Variants in DMD observed in about 807,000 individuals in gnomAD.
The protein encoded by DMD is mutant dystrophin.
In DMD, 63 loss-of-function variants were observed where a neutral mutation model predicts 330.1. The ratio of observed to expected loss-of-function variants is 0.19; its 90% CI spans 0.16 to 0.24. The LOEUF is 0.24. Among genes scored for constraint, DMD ranks in the 10% least tolerant of loss-of-function variants. The pLI, the probability that DMD is intolerant of heterozygous loss-of-function variation, is 1.00. For synonymous variants in DMD, 1,223 were observed against 959.8 expected (o/e 1.27, Z -5.07); for missense variants, 3,344 against 2,684.1 (o/e 1.25, Z -5.43).
chrX:32,330,111 C>T (rs1391154566), intron 41 of DMD, among the ~76,000 whole-genome samples: 1 of 112,035 alleles, frequency 8.9e-6, no homozygotes, highest in East Asian at 2.8e-4. Context: ...GGGTGCTAAA[C>T]TATACTCAAA....
At position 31,612,438 on chromosome X, in the gene DMD, A is replaced by G. The variant is rs746854400; in HGVS notation, c.8217+15235T>C. Among the ~76,000 whole-genome samples, 135 of 112,063 alleles carry G rather than the reference A, an allele frequency of 1.2e-3. 1 individual carries two copies. Among genetic ancestry groups the G allele is most frequent in the African/African-American group, 4.3e-3 (133 of 30,913 alleles). On this transcript the variant is annotated intron_variant, in intron 55 of 78. Transcript: ENST00000357033. ...CATTCAGAAAGGGCATTCCTGGGTGAATGAAATAGACAGAGCCTGGAGGCC... is the reference window on the plus strand; with the variant it reads ...CATTCAGAAAGGGCATTCCTGGGTGGATGAAATAGACAGAGCCTGGAGGCC...
At chrX:32,279,669 G>A (rs1049267114) in intron 43 of DMD, among the ~76,000 whole-genome samples, 1 of 76,564 alleles carries the variant, frequency 1.3e-5, no homozygotes, top group Non-Finnish European at 2.8e-5. Flanking sequence ...GCTGTGAAGG[G>A]TAGTGGGGGG....
chrX:31,872,895 G>A (rs776861894), intron 48 of DMD, among the ~76,000 whole-genome samples: 1 of 111,043 alleles, frequency 9.0e-6, no homozygotes. Context: ...AAACACCTCT[G>A]AGTACAATAT....
intron 2 of DMD, among the ~76,000 whole-genome samples, chrX:33,010,350 G>A (rs7884271): frequency 9.6e-6 from 1 of 104,705 alleles, no homozygotes; most frequent in Admixed American, 1.0e-4. Flanking sequence ...ATATATATGT[G>A]TGTATGTATA....
Position 31,836,751 on chromosome X carries a change from C to A in DMD, c.7167G>T (p.Leu2389Phe). 1 of 1,211,710 alleles carries A rather than the reference C, an allele frequency of 8.3e-7. No homozygotes were observed. Among genetic ancestry groups the A allele is most frequent in the South Asian group, 1.8e-5 (1 of 57,023 alleles). The part of the protein sequence containing the change: ...VEEILSKGQH[L>F]YKEKPATQPV... ...GCTGAGTGGCTGGTTTTTCCTTGTA[C>A]AAATGCTGCCCTTTAGACAAAATCT... Residue 2389 changes from leucine (L) to phenylalanine (F), a missense_variant, in exon 49 of 79, where the codon TTG becomes TTT. Leu to Phe is a conservative substitution (Grantham distance 22). Transcript: ENST00000357033.
chrX:32,552,000 T>C (rs1267236375), intron 16 of DMD, among the ~76,000 whole-genome samples: 2 of 111,752 alleles, frequency 1.8e-5, no homozygotes, highest in African/African-American at 3.2e-5. Context: ...AATGGAAAAA[T>C]ATTCTATGCT....
At chrX:31,721,636 T>TAA in intron 52 of DMD, among the ~76,000 whole-genome samples, 1 of 100,292 alleles carries the variant, frequency 1.0e-5, no homozygotes, top group South Asian at 4.8e-4. Flanking sequence ...TGTATATATA[T>TAA]AATATTATTA....
chrX:32,332,272 A>AT (rs750675557), intron 41 of DMD, among the ~76,000 whole-genome samples: 8 of 109,642 alleles, frequency 7.3e-5, no homozygotes, highest in East Asian at 2.9e-4. Context: ...AAAAAAGACA[A>AT]TTTTTTTTTG....
chrX:33,073,031 G>A (rs756125327), intron 1 of DMD, among the ~76,000 whole-genome samples: 7 of 111,945 alleles, frequency 6.3e-5, no homozygotes, highest in African/African-American at 1.9e-4. Context: ...TCTTTTTAAT[G>A]TTATTTATCA....
rs1001240332 is a variant in DMD, at chrX:33,189,287, C to T, written c.31+21995G>A. 3.6e-5 allele frequency among the ~76,000 whole-genome samples: 4 copies of T among 111,312 alleles called. No individual in the cohort carries two copies. In the East Asian group the frequency reaches 1.1e-3, roughly 32 times the overall value. On this transcript the variant is annotated intron_variant, in intron 1 of 78. Transcript: ENST00000357033. The stretch of plus-strand genomic sequence containing the variant: ...AACTTTATATATTAAGCCTTATGCT[C>T]ATCTCTAGGTATGGGGGAGAGGTGG...
At chrX:31,334,718 C>T (rs987123211) in intron 61 of DMD, among the ~76,000 whole-genome samples, 1 of 112,056 alleles carries the variant, frequency 8.9e-6, no homozygotes, top group Non-Finnish European at 1.9e-5. Context: ...TCTATGACTT[C>T]CCTTCTCACA....
chrX:32,330,792 C>T (rs1183367324), intron 41 of DMD, among the ~76,000 whole-genome samples: 1 of 111,389 alleles, frequency 9.0e-6, no homozygotes, highest in Non-Finnish European at 1.9e-5. Flanking sequence ...AATACCAATT[C>T]AGTGTATTCA....
intron 44 of DMD, among the ~76,000 whole-genome samples, chrX:32,088,249 C>T (rs771057690): frequency 9.0e-6 from 1 of 111,562 alleles, no homozygotes; most frequent in Non-Finnish European, 1.9e-5. Context: ...TAAGCAATTT[C>T]TTAACCTTCA....
chrX:31,222,583 A>G (rs1374194712), intron 64 of DMD, among the ~76,000 whole-genome samples: 1 of 110,870 alleles, frequency 9.0e-6, no homozygotes, highest in Admixed American at 9.6e-5. Context: ...GAGGAAAGCA[A>G]TTCTGTCATT....
intron 63 of DMD, among the ~76,000 whole-genome samples, chrX:31,252,643 G>A (rs909324586): frequency 5.3e-5 from 6 of 112,391 alleles, no homozygotes; most frequent in Admixed American, 2.8e-4. Flanking sequence ...CTATAGCTGT[G>A]TGAGGATTAA....
chrX:31,137,765 A>G (rs1224517684), intron 76 of DMD, among the ~76,000 whole-genome samples: 1 of 110,844 alleles, frequency 9.0e-6, no homozygotes, highest in Non-Finnish European at 1.9e-5. Context: ...GTGGTGATGA[A>G]CACTCTGAGG....
chrX:33,008,811 T>C (rs1376685945), intron 2 of DMD, among the ~76,000 whole-genome samples: 1 of 97,883 alleles, frequency 1.0e-5, no homozygotes, highest in East Asian at 3.2e-4. Flanking sequence ...TACGTATATA[T>C]ACACATAAAT....
chrX:32,439,552 A>G (rs1420444954), intron 28 of DMD, among the ~76,000 whole-genome samples: 1 of 111,566 alleles, frequency 9.0e-6, no homozygotes, highest in Non-Finnish European at 1.9e-5. Context: ...CAAAGTATAT[A>G]CCTTGTTAAA....
intron 9 of DMD, among the ~76,000 whole-genome samples, chrX:32,665,867 A>T (rs1348291367): frequency 9.0e-6 from 1 of 111,723 alleles, no homozygotes; most frequent in Non-Finnish European, 1.9e-5. Flanking sequence ...TCAAACCATG[A>T]ACATTGGTAC....
Sources: gnomAD v4.1 joint callset for allele counts (sites outside exome capture counted in the v4.1 genomes callset) on GRCh38, gnomAD v4.1.1 for gene constraint, MANE v1.5 for transcripts, NCBI Gene and HGNC (gene_info 2026-07-23, HGNC 2026-07-21) for gene names.